NKAIN2: variants seen among roughly 807,000 people sequenced by gnomAD.
NKAIN2 encodes sodium/potassium transporting ATPase interacting 2, also known as sodium/potassium-transporting ATPase subunit beta-1-interacting protein 2.
In NKAIN2, 14 loss-of-function variants were observed where a neutral mutation model predicts 32.6. That is an observed-to-expected ratio of 0.43 (90% CI 0.28 to 0.67). The LOEUF (loss-of-function observed/expected upper bound fraction) is 0.67, where lower values mean the gene tolerates loss of function less well. Among genes scored for constraint, NKAIN2 ranks in the 30% least tolerant of loss-of-function variants. NKAIN2 has a pLI of 0.17. For missense variants in NKAIN2, 198 were observed against 258.3 expected (o/e 0.77, Z 1.60); for synonymous variants, 80 against 87.2 (o/e 0.92, Z 0.46).
intron 1 of NKAIN2, among the ~76,000 whole-genome samples, chr6:123,813,294 A>G (rs2114868479): frequency 6.6e-6 from 1 of 152,140 alleles, no homozygotes; most frequent in East Asian, 1.9e-4. Flanking sequence ...GGTGGAAGGC[A>G]CCTTGATGCT....
In NKAIN2 at chr6:124,394,307, G is replaced by T. The variant is rs77327663; in HGVS notation, c.273+38960G>T. ...TAATTCTGTTAAGGGAGTTTGATAA[G>T]CACACTTTCTCAATGTCTTCACTCT... On this transcript the variant is annotated intron_variant, in intron 3 of 6. Coordinates refer to ENST00000368417, the MANE Select transcript of NKAIN2 (RefSeq NM_001040214.3). Among the ~76,000 whole-genome samples the T allele has an allele frequency of 1.7e-3, 259 of 152,164 alleles. 1 individual carries two copies. Among genetic ancestry groups the T allele is most frequent in the African/African-American group, 5.5e-3 (228 of 41,512 alleles).
At chr6:124,205,437 C>T (rs1790822419) in intron 1 of NKAIN2, among the ~76,000 whole-genome samples, 1 of 151,646 alleles carries the variant, frequency 6.6e-6, no homozygotes, top group East Asian at 1.9e-4. Flanking sequence ...CTGTCTTCCT[C>T]ATGCATTTCT....
chr6:124,082,861 T>A (rs1208521913), intron 1 of NKAIN2, among the ~76,000 whole-genome samples: 2 of 151,960 alleles, frequency 1.3e-5, no homozygotes, highest in Non-Finnish European at 2.9e-5. Context: ...AAATATACAA[T>A]TTATACAGTC....
chr6:124,376,246 A>G (rs1350445085), intron 3 of NKAIN2, among the ~76,000 whole-genome samples: 1 of 152,154 alleles, frequency 6.6e-6, no homozygotes, highest in Non-Finnish European at 1.5e-5. Flanking sequence ...ATAGAAAATG[A>G]TTTCTTTTCA....
At chr6:124,290,858 C>T (rs981811811) in intron 2 of NKAIN2, among the ~76,000 whole-genome samples, 1 of 152,046 alleles carries the variant, frequency 6.6e-6, no homozygotes, top group Non-Finnish European at 1.5e-5. Flanking sequence ...CCATCACTAT[C>T]TGTAGCTTTT....
At chr6:124,259,435 T>G (rs1037046444) in intron 1 of NKAIN2, among the ~76,000 whole-genome samples, 3 of 152,136 alleles carry the variant, frequency 2.0e-5, no homozygotes, top group Non-Finnish European at 4.4e-5. Flanking sequence ...ATTAGGCAAA[T>G]GTAAGCTTGA....
chr6:124,405,151 A>G (rs1773793472), intron 3 of NKAIN2, among the ~76,000 whole-genome samples: 1 of 152,224 alleles, frequency 6.6e-6, no homozygotes, highest in Non-Finnish European at 1.5e-5. Context: ...AACATAAAGT[A>G]TTAAACATAG....
chr6:124,623,107 A>G (rs1033270246), intron 3 of NKAIN2, among the ~76,000 whole-genome samples: 2 of 152,106 alleles, frequency 1.3e-5, no homozygotes, highest in African/African-American at 4.8e-5. Flanking sequence ...TTACATATGC[A>G]AAGACCCTTT....
In NKAIN2 at chr6:124,462,842, G is replaced by T. The variant is rs140768226; in HGVS notation, c.273+107495G>T. Among the ~76,000 whole-genome samples the T allele has an allele frequency of 3.9e-3, 588 of 152,096 alleles. 2 individuals are homozygous for T. Among genetic ancestry groups the T allele is most frequent in the African/African-American group, 0.014 (562 of 41,530 alleles). On this transcript the variant is annotated intron_variant, in intron 3 of 6. Coordinates refer to ENST00000368417, the MANE Select transcript of NKAIN2 (RefSeq NM_001040214.3). ...GAATGTGAATTCTGTATTATGACTT[G>T]CAGGGAACACAAAATACTCTGACAT...
chr6:124,374,966 A>G (rs965860921), intron 3 of NKAIN2, among the ~76,000 whole-genome samples: 5 of 152,056 alleles, frequency 3.3e-5, no homozygotes, highest in Non-Finnish European at 5.9e-5. Context: ...TCTGCCCACT[A>G]TCCCTTGCAG....
rs758103553 is a variant in NKAIN2 at position 124,096,336 on chromosome 6, A to G, written c.55-186669A>G. On this transcript the variant is annotated intron_variant, in intron 1 of 6. Coordinates refer to ENST00000368417, the MANE Select transcript of NKAIN2 (RefSeq NM_001040214.3). Reference sequence around the variant, plus strand: ...CCTACTTGAAAAAAATTATCTCTCAAATATCTCCAGGATACATACATGGAC... The same window carrying G: ...CCTACTTGAAAAAAATTATCTCTCAGATATCTCCAGGATACATACATGGAC... Among the ~76,000 whole-genome samples, 9 of 152,108 alleles carry G rather than the reference A, an allele frequency of 5.9e-5. No individual in the cohort carries two copies. In the East Asian group the frequency reaches 9.6e-4, roughly 16 times the overall value.
At chr6:124,610,412 A>G (rs1782648498) in intron 3 of NKAIN2, among the ~76,000 whole-genome samples, 1 of 152,212 alleles carries the variant, frequency 6.6e-6, no homozygotes, top group African/African-American at 2.4e-5. Context: ...TTAAATATGC[A>G]TTGGAAAAAG....
intron 1 of NKAIN2, among the ~76,000 whole-genome samples, chr6:123,844,794 C>T (rs1398496353): frequency 6.6e-6 from 1 of 152,208 alleles, no homozygotes; most frequent in African/African-American, 2.4e-5. Flanking sequence ...GTTCCTTCTA[C>T]ATCACCATAT....
chr6:124,738,269 CTAAA>C (rs1777045644), intron 4 of NKAIN2, among the ~76,000 whole-genome samples: 1 of 151,690 alleles, frequency 6.6e-6, no homozygotes, highest in Non-Finnish European at 1.5e-5. Flanking sequence ...CGTGAGCAAT[CTAAA>C]TAAATAAGCC....
intron 1 of NKAIN2, among the ~76,000 whole-genome samples, chr6:124,165,068 T>G (rs1388513968): frequency 2.6e-5 from 4 of 152,138 alleles, no homozygotes; most frequent in African/African-American, 9.7e-5. Context: ...TGAAGATTAC[T>G]TTATTACTTC....
At position 124,425,537 on chromosome 6, in the gene NKAIN2, AAACTCTAT is replaced by A. The variant is rs562271009; in HGVS notation, c.273+70192_273+70199del. Among the ~76,000 whole-genome samples the A allele has an allele frequency of 5.0e-3, 765 of 152,312 alleles. 4 individuals are homozygous for A. The highest frequency in any genetic ancestry group is 0.017 in the African/African-American group (700 of 41,578). On this transcript the variant is annotated intron_variant, in intron 3 of 6. Coordinates refer to ENST00000368417, the MANE Select transcript of NKAIN2 (RefSeq NM_001040214.3). ...CTACCGACTGGGATGAAGTATTTGC[AAACTCTAT>A]ATCTGATAGGGGTTTAATATTTAAA...
At chr6:123,816,611 A>G (rs1773705329) in intron 1 of NKAIN2, among the ~76,000 whole-genome samples, 2 of 152,198 alleles carry the variant, frequency 1.3e-5, no homozygotes, top group Admixed American at 1.3e-4. Context: ...TGAGAGCTCT[A>G]AGATGACAGT....
At chr6:123,843,433 T>G (rs1774961579) in intron 1 of NKAIN2, among the ~76,000 whole-genome samples, 3 of 152,124 alleles carry the variant, frequency 2.0e-5, no homozygotes, top group Non-Finnish European at 4.4e-5. Context: ...TTCAGATGCT[T>G]CTTCTCTCCT....
chr6:123,953,931 A>G (rs1335169146), intron 1 of NKAIN2, among the ~76,000 whole-genome samples: 2 of 152,166 alleles, frequency 1.3e-5, no homozygotes, highest in Non-Finnish European at 2.9e-5. Flanking sequence ...CTTTGGCCCC[A>G]ACTGTTGTAG....
Sources: gnomAD v4.1 joint callset for allele counts (sites outside exome capture counted in the v4.1 genomes callset) on GRCh38, gnomAD v4.1.1 for gene constraint, MANE v1.5 for transcripts, NCBI Gene and HGNC (gene_info 2026-07-23, HGNC 2026-07-21) for gene names.